The following ZNF365 variants were observed in gnomAD, a reference collection of about 807,000 sequenced individuals.
ZNF365 encodes the protein zinc finger protein 365.
ZNF365 carries 22 observed loss-of-function variants against 35.0 expected under a neutral mutation model. The ratio of observed to expected loss-of-function variants is 0.63; its 90% confidence interval spans 0.45 to 0.90. The LOEUF (loss-of-function observed/expected upper bound fraction) is 0.90. Ranked by LOEUF, ZNF365 falls within the 40% of genes least tolerant of loss-of-function variation. ZNF365 has a pLI of 0.00. For synonymous variants in ZNF365, 188 were observed against 196.2 expected, an observed-to-expected ratio of 0.96 and a Z score of 0.35; for missense variants, 448 against 500.3, an observed-to-expected ratio of 0.90 and a Z score of 1.00.
exon 5 of ZNF365, chr10:62,480,206 C>T: frequency 1.8e-6 from 2 of 1,108,936 alleles, no homozygotes; most frequent in South Asian, 6.8e-5. Flanking sequence ...ACATTTGTCC[C>T]TATGAGATAG....
Position 62,399,556 on chromosome 10 carries a change from A to G in ZNF365, c.991A>G (p.Asn331Asp), listed in dbSNP as rs769980480. 6.2e-7 allele frequency: 1 copy of G among 1,614,028 alleles called. No individual in the cohort carries two copies. Among genetic ancestry groups the G allele is most frequent in the Non-Finnish European group, 8.5e-7 (1 of 1,180,002 alleles). Residue 331 changes from asparagine (N) to aspartate (D), a missense_variant, in exon 5 of 5, where the codon AAC becomes GAC. By Grantham distance (23) the Asn-to-Asp change is conservative. This residue lies in a region of ZNF365 where 362 missense variants were observed against 375.7 expected (regional missense o/e 0.96). Coordinates refer to ENST00000395254, the MANE Select transcript of ZNF365 (RefSeq NM_014951.3). ...CCGAGGGCACCCGCATTCGGTATGT[A>G]ACCACCCTGATCTCAAGGCCCATTT... ...LSRGHPHSVC[N>D]HPDLKAHFHP...
chr10:62,401,531 G>A lies in ZNF365; in HGVS notation c.*1742G>A, dbSNP rs981978064. ...TGTGATATATAAGCAGCTATCAAGT[G>A]GGCAAAAACATTGCTGTGAATAGCA... On this transcript the variant is annotated 3_prime_UTR_variant, in exon 5 of 5. Transcript: ENST00000395254. 9 of 985,272 alleles carry A rather than the reference G, an allele frequency of 9.1e-6. No individual in the cohort carries two copies. The highest frequency in any genetic ancestry group is 4.7e-5 in the South Asian group (1 of 21,272). The allele number at this position is 985,272 out of a possible 1,614,324, so 61.0% of individuals were successfully genotyped here. A position where few individuals can be genotyped will look rare whatever the true frequency, so the allele number is the denominator to read the frequency against.
At chr10:62,406,043 G>A (rs1440383685), downstream of ZNF365, among the ~76,000 whole-genome samples, 1 of 152,234 alleles carries the variant, frequency 6.6e-6, no homozygotes, top group Non-Finnish European at 1.5e-5. Context: ...GGAGCTTAGA[G>A]TGGGTAAGGG....
intron 4 of ZNF365, among the ~76,000 whole-genome samples, chr10:62,468,819 C>G (rs1237494248): frequency 6.6e-6 from 1 of 152,200 alleles, no homozygotes; most frequent in African/African-American, 2.4e-5. Context: ...TTACACAATT[C>G]TGACTGAAAA....
chr10:62,385,795 G>A (rs1216960620), intron 2 of ZNF365, among the ~76,000 whole-genome samples: 2 of 152,170 alleles, frequency 1.3e-5, no homozygotes. Context: ...TCCCTGCCCA[G>A]TTGAATCCTC....
intron 3 of ZNF365, among the ~76,000 whole-genome samples, chr10:62,412,252 A>G (rs568525893): frequency 5.3e-5 from 8 of 151,916 alleles, no homozygotes; most frequent in African/African-American, 1.9e-4. Context: ...CATGTTAAAA[A>G]CTCTAAATAA....
intron 2 of ZNF365, 134 bp from the exon 3 acceptor site, chr10:62,388,262 C>A: frequency 1.2e-6 from 1 of 852,250 alleles, no homozygotes; most frequent in African/African-American, 1.7e-5. Context: ...AGGTGATTAC[C>A]TCTCTCGTCA....
chr10:62,433,114 C>A (rs111450723), intron 3 of ZNF365, among the ~76,000 whole-genome samples: 293 of 152,092 alleles, frequency 1.9e-3, no homozygotes, highest in African/African-American at 6.3e-3. Context: ...CTTGTAGAAC[C>A]TACTGCTTGA....
chr10:62,420,084 A>T (rs1415087830), intron 3 of ZNF365, among the ~76,000 whole-genome samples: 2 of 152,194 alleles, frequency 1.3e-5, no homozygotes, highest in Admixed American at 1.3e-4. Context: ...ATTTTATAAC[A>T]TTAAATAAAC....
intron 4 of ZNF365, among the ~76,000 whole-genome samples, chr10:62,475,274 T>C (rs41456349): frequency 0.048 from 7,273 of 152,168 alleles, 222 homozygotes; most frequent in East Asian, 0.17. Context: ...AGAAAGACAC[T>C]TTAAAGTCTG....
chr10:62,473,423 G>C (rs1230990223), intron 4 of ZNF365, among the ~76,000 whole-genome samples: 1 of 152,162 alleles, frequency 6.6e-6, no homozygotes, highest in Non-Finnish European at 1.5e-5. Context: ...ACTTTGAATA[G>C]GAGTAACCTA....
chr10:62,382,292 A>G (rs1426791862), intron 2 of ZNF365, among the ~76,000 whole-genome samples: 1 of 152,214 alleles, frequency 6.6e-6, no homozygotes, highest in East Asian at 1.9e-4. Flanking sequence ...AGGCCAAGAA[A>G]AAATCACATT....
intron 3 of ZNF365, among the ~76,000 whole-genome samples, chr10:62,443,507 A>G (rs1419720254): frequency 2.6e-5 from 4 of 152,138 alleles, no homozygotes; most frequent in African/African-American, 4.8e-5. Flanking sequence ...ATGGCTTATC[A>G]TGTTTCCAGA....
At chr10:62,381,884 G>A (rs1432165689) in intron 2 of ZNF365, among the ~76,000 whole-genome samples, 1 of 152,144 alleles carries the variant, frequency 6.6e-6, no homozygotes, top group African/African-American at 2.4e-5. Flanking sequence ...TTCATCATTT[G>A]CCTCGTTCCA....
chr10:62,390,323 T>A (rs1483530629), intron 3 of ZNF365, among the ~76,000 whole-genome samples: 1 of 152,196 alleles, frequency 6.6e-6, no homozygotes, highest in Non-Finnish European at 1.5e-5. Flanking sequence ...ATATTTAGAA[T>A]TATAAGTCAT....
At chr10:62,423,016 T>G (rs1304414874) in intron 3 of ZNF365, among the ~76,000 whole-genome samples, 2 of 152,204 alleles carry the variant, frequency 1.3e-5, no homozygotes, top group African/African-American at 4.8e-5. Flanking sequence ...CATGGATGGT[T>G]TCACACAATG....
chr10:62,425,462 G>C (rs1321443550), intron 3 of ZNF365, among the ~76,000 whole-genome samples: 1 of 152,180 alleles, frequency 6.6e-6, no homozygotes, highest in Non-Finnish European at 1.5e-5. Context: ...AGAAATGACA[G>C]GCAAGCTAAG....
chr10:62,458,495 CACAT>C (rs1840796128), intron 3 of ZNF365, among the ~76,000 whole-genome samples: 1 of 151,322 alleles, frequency 6.6e-6, no homozygotes, highest in African/African-American at 2.4e-5. Flanking sequence ...CACACACACA[CACAT>C]ATATATATAA....
At chr10:62,389,872 T>C (rs1839597230) in intron 3 of ZNF365, among the ~76,000 whole-genome samples, 1 of 152,200 alleles carries the variant, frequency 6.6e-6, no homozygotes, top group East Asian at 1.9e-4. Context: ...GTAACATATT[T>C]ATTATTTTCT....
Sources: allele counts gnomAD v4.1 joint callset (sites outside exome capture counted in the v4.1 genomes callset), GRCh38; gene constraint gnomAD v4.1.1; regional missense constraint gnomAD v4.1.1; transcripts MANE v1.5; gene names NCBI Gene and HGNC (gene_info 2026-07-23, HGNC 2026-07-21).